Variants in CARMIL1 observed in about 807,000 individuals in gnomAD.
CARMIL1 encodes F-actin-uncapping protein LRRC16A.
In CARMIL1, 90 loss-of-function variants were observed where a neutral mutation model predicts 177.1. That is an observed-to-expected ratio of 0.51 (90% confidence interval 0.43 to 0.61). The LOEUF is 0.61. CARMIL1 is among the 20% of genes least tolerant of loss of function. CARMIL1 has a pLI of 0.00. For synonymous variants in CARMIL1, 577 were observed against 606.2 expected, an observed-to-expected ratio of 0.95 and a Z score of 0.71; for missense variants, 1,380 against 1,667.0, an observed-to-expected ratio of 0.83 and a Z score of 3.00.
chr6:25,500,514 G>A (rs892600218), intron 17 of CARMIL1, among the ~76,000 whole-genome samples: 7 of 152,098 alleles, frequency 4.6e-5, no homozygotes, highest in Non-Finnish European at 8.8e-5. Context: ...AAGCCTTGAG[G>A]TATAAAACCA....
chr6:25,300,671 CA>C (rs1254384776), intron 2 of CARMIL1, among the ~76,000 whole-genome samples: 1 of 152,114 alleles, frequency 6.6e-6, no homozygotes, highest in Non-Finnish European at 1.5e-5. Flanking sequence ...AACAAAAAAG[CA>C]AAATCAAAGC....
chr6:25,437,392 A>AT (rs952356783), intron 5 of CARMIL1, among the ~76,000 whole-genome samples: 1 of 152,082 alleles, frequency 6.6e-6, no homozygotes, highest in Admixed American at 6.5e-5. Context: ...GGATTCTTCC[A>AT]TTTTTTTCTT....
intron 8 of CARMIL1, among the ~76,000 whole-genome samples, chr6:25,458,586 A>C (rs970812349): frequency 5.3e-5 from 8 of 151,626 alleles, no homozygotes; most frequent in Non-Finnish European, 2.9e-5. Context: ...AAACCTGTGG[A>C]TATACCATCC....
At chr6:25,319,750 T>C (rs1784542924) in intron 2 of CARMIL1, among the ~76,000 whole-genome samples, 1 of 150,098 alleles carries the variant, frequency 6.7e-6, no homozygotes, top group African/African-American at 2.5e-5. Context: ...ATACTGAATC[T>C]CTACATTTGG....
chr6:25,565,779 A>T (rs1017219313), intron 29 of CARMIL1, among the ~76,000 whole-genome samples: 2 of 152,154 alleles, frequency 1.3e-5, no homozygotes, highest in Non-Finnish European at 2.9e-5. Flanking sequence ...CAGGAGTTGG[A>T]GGTTGCAGTG....
chr6:25,459,252 T>TTCTTTCTTTCTTTC (rs1799850433), intron 8 of CARMIL1, among the ~76,000 whole-genome samples: 1 of 120,324 alleles, frequency 8.3e-6, no homozygotes, highest in Admixed American at 9.6e-5. Context: ...CTTTCTTTCT[T>TTCTTTCTTTCTTTC]TCTTTCTTTC....
chr6:25,485,592 G>A (rs1023375596), intron 12 of CARMIL1, among the ~76,000 whole-genome samples: 2 of 151,962 alleles, frequency 1.3e-5, no homozygotes, highest in Non-Finnish European at 2.9e-5. Context: ...GTGCCACCAC[G>A]CCCAGCTAAT....
intron 2 of CARMIL1, among the ~76,000 whole-genome samples, chr6:25,312,309 A>G (rs930162903): frequency 2.6e-5 from 4 of 152,348 alleles, no homozygotes; most frequent in East Asian, 3.9e-4. Flanking sequence ...CTGCTTTAGT[A>G]CAGGAGTATA....
chr6:25,360,550 A>G (rs1789086764), intron 2 of CARMIL1, among the ~76,000 whole-genome samples: 1 of 152,218 alleles, frequency 6.6e-6, no homozygotes, highest in Admixed American at 6.5e-5. Flanking sequence ...CAACTACCAG[A>G]AAATTTTTTT....
At chr6:25,413,640 C>T (rs1581856338) in intron 2 of CARMIL1, among the ~76,000 whole-genome samples, 1 of 152,210 alleles carries the variant, frequency 6.6e-6, no homozygotes, top group East Asian at 1.9e-4. Flanking sequence ...CTGCTACTTG[C>T]ATTTCAATGA....
chr6:25,297,780 T>G (rs1242617104), intron 2 of CARMIL1, among the ~76,000 whole-genome samples: 1 of 152,240 alleles, frequency 6.6e-6, no homozygotes, highest in Non-Finnish European at 1.5e-5. Flanking sequence ...CAGGAAGGCT[T>G]CATGCTCACG....
At chr6:25,495,480 C>G (rs1803610569) in intron 16 of CARMIL1, among the ~76,000 whole-genome samples, 1 of 151,674 alleles carries the variant, frequency 6.6e-6, no homozygotes, top group South Asian at 2.1e-4. Context: ...CTCCCAGGTA[C>G]TTACTATTGC....
intron 29 of CARMIL1, among the ~76,000 whole-genome samples, chr6:25,574,718 G>A (rs949946383): frequency 2.0e-5 from 3 of 152,106 alleles, no homozygotes; most frequent in African/African-American, 7.2e-5. Context: ...TTTGAAACTT[G>A]CCTTTTTCAC....
Position 25,511,653 on chromosome 6 carries a change from T to G in CARMIL1, c.1632+891T>G, listed in dbSNP as rs141184043. ...TTGGAAAAAGTATCATTTTCCCTCC[T>G]GAATTCATACCAGGGAAGAGCAAAT... On this transcript the variant is annotated intron_variant, in intron 20 of 36. Transcript: ENST00000329474. Among the ~76,000 whole-genome samples the G allele has an allele frequency of 4.4e-3, 675 of 152,316 alleles. 6 individuals carry two copies. Among genetic ancestry groups the G allele is most frequent in the African/African-American group, 0.015 (630 of 41,568 alleles).
intron 2 of CARMIL1, among the ~76,000 whole-genome samples, chr6:25,294,469 T>C (rs758209027): frequency 6.6e-6 from 1 of 152,188 alleles, no homozygotes; most frequent in Non-Finnish European, 1.5e-5. Flanking sequence ...GTTTCTTCTG[T>C]AGCACCTCCG....
intron 24 of CARMIL1, among the ~76,000 whole-genome samples, chr6:25,536,861 G>A (rs962645131): frequency 1.3e-5 from 2 of 152,156 alleles, no homozygotes; most frequent in Non-Finnish European, 2.9e-5. Context: ...TGTCTCCTCT[G>A]CCAAATGAAT....
intron 2 of CARMIL1, among the ~76,000 whole-genome samples, chr6:25,328,224 A>G (rs1785298686): frequency 6.6e-6 from 1 of 152,152 alleles, no homozygotes; most frequent in Admixed American, 6.5e-5. Context: ...AGCAGTGGCA[A>G]GGCAAGCCAG....
At chr6:25,615,556 A>G (rs1471691457) in intron 36 of CARMIL1, among the ~76,000 whole-genome samples, 1 of 152,172 alleles carries the variant, frequency 6.6e-6, no homozygotes. Flanking sequence ...TGTACAGGGC[A>G]TCTAAGATTC....
At position 25,604,615 on chromosome 6, in the gene CARMIL1, G is replaced by A. The variant is rs895741264; in HGVS notation, c.3553-197G>A. Among the ~76,000 whole-genome samples, 5 of 152,140 alleles carry A rather than the reference G, an allele frequency of 3.3e-5. No individual in the cohort carries two copies. The East Asian group carries it at 5.8e-4, about 18-fold the overall frequency. On this transcript the variant is annotated intron_variant, in intron 33 of 36. Coordinates refer to ENST00000329474, the MANE Select transcript of CARMIL1 (RefSeq NM_017640.6). ...CACTTTGGACCCCAGAGTCCTGACC[G>A]TAAACACAGAATAGAATGTGTTTCT... is the stretch of plus-strand genomic sequence containing the variant.
Sources: gnomAD v4.1 joint callset for allele counts (sites outside exome capture counted in the v4.1 genomes callset) on GRCh38, gnomAD v4.1.1 for gene constraint, MANE v1.5 for transcripts, NCBI Gene and HGNC (gene_info 2026-07-23, HGNC 2026-07-21) for gene names.